Variants in GRPEL1 observed in about 807,000 individuals in gnomAD.
GRPEL1 encodes the protein GrpE like 1, mitochondrial.
Under a neutral mutation model 22.1 loss-of-function variants are expected in GRPEL1, and 13 were observed. The observed-to-expected ratio is 0.59, with a 90% CI of 0.38 to 0.94. The LOEUF (loss-of-function observed/expected upper bound fraction) is 0.94. GRPEL1 is among the 40% of genes least tolerant of loss of function. GRPEL1 has a pLI of 0.00. For synonymous variants in GRPEL1, 109 were observed against 105.3 expected (o/e 1.03, Z -0.21); for missense variants, 289 against 264.6 (o/e 1.09, Z -0.64).
chr4:7,066,979 G>A (rs535146766), intron 1 of GRPEL1, among the ~76,000 whole-genome samples: 5 of 152,210 alleles, frequency 3.3e-5, no homozygotes, highest in Non-Finnish European at 5.9e-5. Context: ...TTTTACTCAA[G>A]TATTCCACGT....
intron 1 of GRPEL1, among the ~76,000 whole-genome samples, chr4:7,066,705 C>T (rs1169339417): frequency 6.6e-6 from 1 of 152,190 alleles, no homozygotes; most frequent in African/African-American, 2.4e-5. Context: ...AGACCCCTTT[C>T]CGAAGCACAG....
chr4:7,061,217 A>C lies in GRPEL1; in HGVS notation c.308-9T>G, dbSNP rs767726162. 4 of 1,597,350 alleles carry C rather than the reference A, an allele frequency of 2.5e-6. No individual in the cohort carries two copies. In the South Asian group the frequency reaches 4.5e-5, roughly 18 times the overall value. On this transcript the variant is annotated splice_polypyrimidine_tract_variant and intron_variant, in intron 3 of 3. Coordinates refer to ENST00000264954, the MANE Select transcript of GRPEL1 (RefSeq NM_025196.4). ...GCAGAAGGCTTGAATGCCTGGATGA[A>C]GTTAAAGAAGATCATTTGCACTCCA... is the stretch of plus-strand genomic sequence containing the variant.
chr4:7,061,490 G>A (rs549866760), intron 3 of GRPEL1: 1 of 358,628 alleles, frequency 2.8e-6, no homozygotes, highest in Admixed American at 4.6e-5. Context: ...CAGATGTCAA[G>A]CAAGCAGTAA....
chr4:7,064,211 C>T lies in GRPEL1; in HGVS notation c.75G>A (p.Arg25=). 8.7e-6 allele frequency: 14 copies of T among 1,612,520 alleles called. No homozygotes were observed. The highest frequency in any genetic ancestry group is 1.2e-5 in the Non-Finnish European group (14 of 1,179,136). ...TTTGTTTCGTGGCTGTGCACAACAA[C>T]CGGGGAGATGGCCTACAGGGAAGTC... ...ALALSLRPSP[R]LLCTATKQKN... is the part of the protein sequence containing the mutation. Residue 25 remains arginine, a synonymous_variant, in exon 2 of 4, where the codon CGG becomes CGA. Coordinates refer to ENST00000264954, the MANE Select transcript of GRPEL1 (RefSeq NM_025196.4).
Position 7,064,171 on chromosome 4 carries a change from T to C in GRPEL1, c.115A>G (p.Asn39Asp). ...CTCTGACCCATGTCCTCTTCCAGGT[T>C]CTGGCCACTGTTCTTTTGTTTCGTG... ...TATKQKNSGQ[N>D]LEEDMGQSEQ... The change falls in exon 2 of 4, where the codon AAC becomes GAC. Residue 39 changes from asparagine (N) to aspartate (D), a missense_variant. By Grantham distance (23) the Asn-to-Asp change is conservative. Transcript: ENST00000264954. The C allele has an allele frequency of 1.2e-6, 2 of 1,614,202 alleles. No homozygotes were observed. The highest frequency in any genetic ancestry group is 1.7e-6 in the Non-Finnish European group (2 of 1,180,024).
chr4:7,064,287 A>G, intron 1 of GRPEL1, 64 bp from the exon 2 acceptor site: 1 of 1,501,698 alleles, frequency 6.7e-7, no homozygotes, highest in Admixed American at 2.1e-5. Flanking sequence ...AGTCAGATGT[A>G]TGACTTTAGA....
At chr4:7,061,348 C>A in intron 3 of GRPEL1, 140 bp from the exon 4 acceptor site, 1 of 645,926 alleles carries the variant, frequency 1.5e-6, no homozygotes, top group Admixed American at 3.2e-5. Flanking sequence ...GGCTCAATAA[C>A]TTTAAAAAAC....
At position 7,059,747 on chromosome 4, in the gene GRPEL1, C is replaced by CT. The variant is rs374760757; in HGVS notation, c.*1114dup. On this transcript the variant is annotated 3_prime_UTR_variant, in exon 4 of 4. Coordinates refer to ENST00000264954, the MANE Select transcript of GRPEL1 (RefSeq NM_025196.4). Reference sequence around the variant, plus strand: ...TTGTAACAGACGCCAATCATTCAGCCTTTTTCTAAGCCCTGGATGACCGTG... The same window carrying CT: ...TTGTAACAGACGCCAATCATTCAGCCTTTTTTCTAAGCCCTGGATGACCGTG... 5.9e-5 allele frequency: 9 copies of CT among 152,322 alleles called. No homozygotes were observed. Among genetic ancestry groups the CT allele is most frequent in the African/African-American group, 2.2e-4 (9 of 41,562 alleles). The allele number at this position is 152,322 out of a possible 1,614,324, so 9.4% of individuals were successfully genotyped here.
Position 7,066,668 on chromosome 4 carries a change from C to CA in GRPEL1, c.62+1302dup, listed in dbSNP as rs574561849. On this transcript the variant is annotated intron_variant, in intron 1 of 3. Coordinates refer to ENST00000264954, the MANE Select transcript of GRPEL1 (RefSeq NM_025196.4). ...TTCTGCCTGGGGGTGTGACAGCCAC[C>CA]AGCCTTTCTGCAGGTCAGCTCTTCA... is the stretch of plus-strand genomic sequence containing the variant. Among the ~76,000 whole-genome samples the CA allele has an allele frequency of 3.0e-3, 458 of 152,330 alleles. 3 individuals carry two copies. Among genetic ancestry groups the CA allele is most frequent in the African/African-American group, 9.5e-3 (393 of 41,572 alleles).
intron 1 of GRPEL1, 64 bp from the exon 2 acceptor site, chr4:7,064,287 A>ACATC: frequency 6.7e-7 from 1 of 1,501,432 alleles, no homozygotes. Context: ...AGTCAGATGT[A>ACATC]TGACTTTAGA....
At chr4:7,062,499 T>TAG in intron 2 of GRPEL1, 33 bp from the exon 3 acceptor site, 1 of 462,312 alleles carries the variant, frequency 2.2e-6, no homozygotes, top group Non-Finnish European at 3.2e-6. Flanking sequence ...TTTATATATA[T>TAG]ATATATATAT....
intron 2 of GRPEL1, 137 bp downstream of exon 2, chr4:7,063,924 C>T (rs1159077461): frequency 2.1e-6 from 2 of 947,708 alleles, no homozygotes; most frequent in African/African-American, 1.7e-5. Context: ...AACTTGCCAC[C>T]TGGGCCCACT....
rs774687526 is a variant in GRPEL1, at chr4:7,060,997, A to G, written c.519T>C (p.Tyr173=). 62 of 1,614,080 alleles carry G rather than the reference A, an allele frequency of 3.8e-5. No homozygotes were observed. Among genetic ancestry groups the G allele is most frequent in the Non-Finnish European group, 4.6e-5 (54 of 1,180,042 alleles). The part of the protein sequence containing the change: ...LNPVGAKFDP[Y]EHEALFHTPV... ...GTGTGTGGAACAAGGCCTCATGTTC[A>G]TAAGGGTCGAACTTGGCTCCGACAG... The change falls in exon 4 of 4, where the codon TAT becomes TAC. Residue 173 remains tyrosine, a synonymous_variant. Transcript: ENST00000264954.
chr4:7,067,561 T>G (rs1190564171), intron 1 of GRPEL1: 12 of 236,076 alleles, frequency 5.1e-5, no homozygotes, highest in Non-Finnish European at 9.9e-5. Context: ...CTGCGTGACC[T>G]TGGACAAAGC....
intron 1 of GRPEL1, among the ~76,000 whole-genome samples, chr4:7,067,207 A>G (rs1037939287): frequency 6.6e-6 from 1 of 152,178 alleles, no homozygotes; most frequent in African/African-American, 2.4e-5. Flanking sequence ...AGTACTTGCC[A>G]TACTAACTTC....
At chr4:7,067,895 C>A in intron 1 of GRPEL1, 76 bp downstream of exon 1, 1 of 1,473,976 alleles carries the variant, frequency 6.8e-7, no homozygotes, top group South Asian at 1.2e-5. Context: ...AAGGAGGCCC[C>A]GGGGCCGGGA....
Position 7,064,122 on chromosome 4 carries a change from G to A in GRPEL1, c.164C>T (p.Ala55Val), listed in dbSNP as rs764871556. 2.5e-6 allele frequency: 4 copies of A among 1,614,070 alleles called. No homozygotes were observed. Residue 55 changes from alanine (A) to valine (V), a missense_variant, in exon 2 of 4, where the codon GCT (alanine) becomes GTT (valine). Coordinates refer to ENST00000264954, the MANE Select transcript of GRPEL1 (RefSeq NM_025196.4). Reference sequence around the variant, plus strand: ...CTCTTCCAGGAGGGTCTTCTCTGTAGCAGGAGGATCTGCCTTCTGTTCACT... The same window carrying A: ...CTCTTCCAGGAGGGTCTTCTCTGTAACAGGAGGATCTGCCTTCTGTTCACT... The part of the protein sequence containing the change: ...GQSEQKADPP[A>V]TEKTLLEEKV...
At chr4:7,067,677 C>T (rs965038866) in intron 1 of GRPEL1, 2 of 496,446 alleles carry the variant, frequency 4.0e-6, no homozygotes, top group African/African-American at 4.1e-5. Context: ...AGGCCCTGGA[C>T]CACACGCGCA....
chr4:7,067,856 A>G (rs1577223366), intron 1 of GRPEL1, 115 bp downstream of exon 1: 20 of 1,075,046 alleles, frequency 1.9e-5, no homozygotes, highest in Non-Finnish European at 2.5e-5. Flanking sequence ...GCGAGCCCGG[A>G]GATGCCCAGC....
Sources: gnomAD v4.1 joint callset for allele counts (sites outside exome capture counted in the v4.1 genomes callset) on GRCh38, gnomAD v4.1.1 for gene constraint, MANE v1.5 for transcripts, NCBI Gene and HGNC (gene_info 2026-07-23, HGNC 2026-07-21) for gene names.